The following PBX3 variants were observed in gnomAD, a reference collection of about 807,000 sequenced individuals.
The protein encoded by PBX3 is pre-B-cell leukemia transcription factor 3.
A neutral mutation model predicts 48.5 loss-of-function variants in PBX3; 14 were observed. That is an observed-to-expected ratio of 0.29 (90% confidence interval 0.19 to 0.45). The LOEUF is 0.45. Ranked by LOEUF, PBX3 falls within the 20% of genes least tolerant of loss-of-function variation. The pLI is 1.00. For missense variants in PBX3, 386 were observed against 546.7 expected, an observed-to-expected ratio of 0.71 and a Z score of 2.93; for synonymous variants, 210 against 200.3, an observed-to-expected ratio of 1.05 and a Z score of -0.41.
intron 2 of PBX3, among the ~76,000 whole-genome samples, chr9:125,913,139 G>C (rs182372213): frequency 6.6e-6 from 1 of 151,934 alleles, no homozygotes; most frequent in East Asian, 1.9e-4. Flanking sequence ...CTTTATTATT[G>C]ATAGTCTTCT....
intron 2 of PBX3, among the ~76,000 whole-genome samples, chr9:125,878,990 A>G (rs1840318092): frequency 6.6e-6 from 1 of 150,844 alleles, no homozygotes; most frequent in African/African-American, 2.4e-5. Context: ...AAATGAAATT[A>G]TTTGTGTATT....
chr9:125,884,353 A>G (rs571357379), intron 2 of PBX3, among the ~76,000 whole-genome samples: 22 of 152,328 alleles, frequency 1.4e-4, no homozygotes, highest in African/African-American at 5.1e-4. Context: ...AAATGAGTAT[A>G]ATTGTTTTTG....
At chr9:125,948,430 A>G (rs1298086086) in intron 5 of PBX3, among the ~76,000 whole-genome samples, 4 of 152,220 alleles carry the variant, frequency 2.6e-5, no homozygotes, top group Non-Finnish European at 5.9e-5. Flanking sequence ...TAGAAATGAC[A>G]AACAGATAAC....
intron 2 of PBX3, among the ~76,000 whole-genome samples, chr9:125,791,344 TATCTCTGTCA>T (rs1435562707): frequency 1.4e-3 from 212 of 152,056 alleles, no homozygotes; most frequent in African/African-American, 4.9e-3. Context: ...TCTATCTATC[TATCTCTGTCA>T]ATCATCTGTC....
intron 2 of PBX3, among the ~76,000 whole-genome samples, chr9:125,861,119 C>A (rs1275055940): frequency 1.3e-5 from 2 of 151,800 alleles, no homozygotes; most frequent in Non-Finnish European, 2.9e-5. Context: ...AACCTGGTCT[C>A]TACTCCCCTC....
At chr9:125,864,402 G>A (rs1013000359) in intron 2 of PBX3, among the ~76,000 whole-genome samples, 6 of 152,172 alleles carry the variant, frequency 3.9e-5, no homozygotes, top group African/African-American at 1.4e-4. Flanking sequence ...ATGGGGGTGG[G>A]GGAGGATGGT....
intron 2 of PBX3, among the ~76,000 whole-genome samples, chr9:125,899,083 T>C (rs1027815246): frequency 6.0e-5 from 9 of 151,154 alleles, no homozygotes; most frequent in African/African-American, 1.7e-4. Flanking sequence ...GCTGCTGCTG[T>C]GCTTCTAAGG....
chr9:125,748,186 G>A, intron 1 of PBX3: 1 of 971,646 alleles, frequency 1.0e-6, no homozygotes, highest in Non-Finnish European at 1.2e-6. Flanking sequence ...GCTGGCCGCA[G>A]TCGGCCGGCC....
At chr9:125,944,076 T>C (rs952235903) in intron 5 of PBX3, among the ~76,000 whole-genome samples, 3 of 152,180 alleles carry the variant, frequency 2.0e-5, no homozygotes. Context: ...GAACAGAAGA[T>C]AGACAATGTA....
At chr9:125,839,359 T>C (rs1468913552) in intron 2 of PBX3, among the ~76,000 whole-genome samples, 1 of 152,242 alleles carries the variant, frequency 6.6e-6, no homozygotes. Flanking sequence ...AAGAGGACTA[T>C]ACTCAGATTC....
At chr9:125,780,126 C>T (rs1307625667) in intron 2 of PBX3, among the ~76,000 whole-genome samples, 5 of 133,172 alleles carry the variant, frequency 3.8e-5, no homozygotes, top group Admixed American at 1.5e-4. Flanking sequence ...CCTCACTTCC[C>T]AGTAGGGGCG....
chr9:125,799,373 C>T (rs527960279), intron 2 of PBX3, among the ~76,000 whole-genome samples: 7 of 152,174 alleles, frequency 4.6e-5, no homozygotes, highest in African/African-American at 1.7e-4. Flanking sequence ...GGTGTGGTGG[C>T]GTGCACGCTG....
At chr9:125,800,291 C>T (rs1173698921) in intron 2 of PBX3, among the ~76,000 whole-genome samples, 1 of 152,134 alleles carries the variant, frequency 6.6e-6, no homozygotes, top group Non-Finnish European at 1.5e-5. Flanking sequence ...AAGCCAGTCA[C>T]AGATTCCTGT....
rs1479387444 is a variant in PBX3, at chr9:125,917,457, T to C, written c.516+1530T>C. ...CACTCTATGGATTTGGATAAATTTA[T>C]GATGGCATGTACCCATCATTATAGG... On this transcript the variant is annotated intron_variant, in intron 3 of 8. Transcript: ENST00000373489. Among the ~76,000 whole-genome samples the C allele has an allele frequency of 2.0e-5, 3 of 152,216 alleles. No homozygotes were observed. The East Asian group carries it at 5.8e-4, about 29-fold the overall frequency.
intron 2 of PBX3, among the ~76,000 whole-genome samples, chr9:125,755,970 A>C (rs1338695527): frequency 1.3e-5 from 2 of 151,898 alleles, no homozygotes; most frequent in Non-Finnish European, 2.9e-5. Context: ...TTTATCACTT[A>C]TCTCTTCTCA....
intron 2 of PBX3, among the ~76,000 whole-genome samples, chr9:125,856,079 T>A (rs748691403): frequency 4.6e-5 from 7 of 152,048 alleles, no homozygotes; most frequent in Admixed American, 1.3e-4. Context: ...ACTATAAAAA[T>A]ATATTTTAAT....
At chr9:125,871,046 T>C (rs1370789690) in intron 2 of PBX3, among the ~76,000 whole-genome samples, 1 of 152,172 alleles carries the variant, frequency 6.6e-6, no homozygotes. Flanking sequence ...AAAACTCACA[T>C]GTATACCAGA....
intron 4 of PBX3, among the ~76,000 whole-genome samples, chr9:125,931,447 G>A (rs148486922): frequency 9.8e-4 from 149 of 152,084 alleles, no homozygotes; most frequent in African/African-American, 3.5e-3. Flanking sequence ...GGAGGCATTT[G>A]CCACCATGCT....
chr9:125,791,039 C>T (rs1297291666), intron 2 of PBX3, among the ~76,000 whole-genome samples: 1 of 151,970 alleles, frequency 6.6e-6, no homozygotes, highest in Non-Finnish European at 1.5e-5. Flanking sequence ...CTCAGCCTCC[C>T]GAGTAGCTGG....
Sources: gnomAD v4.1 joint callset for allele counts (sites outside exome capture counted in the v4.1 genomes callset) on GRCh38, gnomAD v4.1.1 for gene constraint, MANE v1.5 for transcripts, NCBI Gene and HGNC (gene_info 2026-07-23, HGNC 2026-07-21) for gene names.